Variants in NACAD observed in about 807,000 individuals in gnomAD.
NACAD encodes the protein NAC alpha domain containing, also known as NAC-alpha domain-containing protein 1.
In NACAD, 47 loss-of-function variants were observed where a neutral mutation model predicts 98.9. The observed-to-expected ratio is 0.48, with a 90% CI of 0.38 to 0.61. NACAD has a LOEUF of 0.61. NACAD is among the 20% of genes least tolerant of loss of function. NACAD has a pLI of 0.00. For synonymous variants in NACAD, 696 were observed against 767.2 expected, an observed-to-expected ratio of 0.91 and a Z score of 1.53; for missense variants, 1,412 against 1,748.2, an observed-to-expected ratio of 0.81 and a Z score of 3.43.
rs1056936084 is a variant in NACAD at position 45,088,809 on chromosome 7, A to G, written c.67+19T>C. 162 of 1,480,664 alleles carry G rather than the reference A, an allele frequency of 1.1e-4. 1 individual carries two copies. Among genetic ancestry groups the G allele is most frequent in the Middle Eastern group, 9.4e-4 (4 of 4,242 alleles). The allele number at this position is 1,480,664 out of a possible 1,614,324, so 91.7% of individuals were successfully genotyped here. The stretch of plus-strand genomic sequence containing the variant: ...GAGGGGAGAGGCTGAAGGCAGGGAA[A>G]GAGTGGCCACGGCCTCACCTGTGCG... On this transcript the variant is annotated intron_variant, in intron 1 of 7. Transcript: ENST00000490531. This position sits in a 1 kb window ranked among gnomAD's most constrained non-coding sequence, Gnocchi z 5.7.
At chr7:45,081,298 G>T in intron 4 of NACAD, 35 bp from the exon 5 acceptor site, 1 of 1,548,000 alleles carries the variant, frequency 6.5e-7, no homozygotes, top group East Asian at 2.4e-5. Flanking sequence ...CTCAGACCTG[G>T]TGTTGACCCA....
In NACAD at chr7:45,082,989, G is replaced by A. The variant is rs1457175932; in HGVS notation, c.3191C>T (p.Ala1064Val). The A allele has an allele frequency of 1.2e-5, 19 of 1,550,840 alleles. No individual in the cohort carries two copies. Among genetic ancestry groups the A allele is most frequent in the Admixed American group, 2.0e-5 (1 of 50,982 alleles). Residue 1064 changes from alanine to valine, a missense_variant, in exon 2 of 8, where the codon GCT (alanine) becomes GTT (valine). Ala to Val is a moderately conservative substitution (Grantham distance 64). Around this residue, in one of 5 missense-constraint regions of NACAD, gnomAD observed 572 missense variants for 639.6 expected, o/e 0.89. Coordinates refer to ENST00000490531, the MANE Select transcript of NACAD (RefSeq NM_001146334.2). The surrounding 1 kb of genome is among the most constrained non-coding windows in gnomAD (Gnocchi z 4.5). The stretch of plus-strand genomic sequence containing the variant: ...CTCCTTTTGGGGTGAGTCAGGCTTA[G>A]CCCCATCACCTGTGTGCGCTCGCGC... ...LEARAHTGDG[A>V]KPDSPQKETL... is the part of the protein sequence containing the mutation.
In NACAD at chr7:45,082,823, G is replaced by A. The variant is rs1371903208; in HGVS notation, c.3357C>T (p.Leu1119=). 1 of 1,549,892 alleles carries A rather than the reference G, an allele frequency of 6.5e-7. No individual in the cohort carries two copies. ...AACPEVSQAR[L]LSPAREERGL... Reference sequence around the variant, plus strand: ...CTCTTTCCTCCCTGGCTGGGCTCAGGAGCCGGGCCTGGCTGACCTCAGGGC... The same window carrying A: ...CTCTTTCCTCCCTGGCTGGGCTCAGAAGCCGGGCCTGGCTGACCTCAGGGC... Residue 1119 remains leucine, a synonymous_variant, in exon 2 of 8, where the codon CTC becomes CTT. Coordinates refer to ENST00000490531, the MANE Select transcript of NACAD (RefSeq NM_001146334.2). This position sits in a 1 kb window ranked among gnomAD's most constrained non-coding sequence, Gnocchi z 4.5.
Position 45,088,258 on chromosome 7 carries a change from C to G in NACAD, c.67+570G>C, listed in dbSNP as rs1784551064. Reference sequence around the variant, plus strand: ...ACACCCAGGGCCATTGCTAATCAGGCCACCTCCCCCAAGGCCTTCCACCTT... The same window carrying G: ...ACACCCAGGGCCATTGCTAATCAGGGCACCTCCCCCAAGGCCTTCCACCTT... On this transcript the variant is annotated intron_variant, in intron 1 of 7. Transcript: ENST00000490531. The surrounding 1 kb of genome is among the most constrained non-coding windows in gnomAD (Gnocchi z 5.7). Among the ~76,000 whole-genome samples the G allele has an allele frequency of 6.6e-6, 1 of 152,230 alleles. No individual in the cohort carries two copies. Among genetic ancestry groups the G allele is most frequent in the African/African-American group, 2.4e-5 (1 of 41,460 alleles).
In NACAD at chr7:45,082,121, G is replaced by A. The variant is rs1784440121; in HGVS notation, c.4059C>T (p.Asp1353=). 4 of 1,478,270 alleles carry A rather than the reference G, an allele frequency of 2.7e-6. No individual in the cohort carries two copies. Among genetic ancestry groups the A allele is most frequent in the East Asian group, 2.5e-5 (1 of 40,442 alleles). The allele number at this position is 1,478,270 out of a possible 1,614,324, so 91.6% of individuals were successfully genotyped here. The part of the protein sequence containing the change: ...LSAPEQQEDE[D]SLEEDSPRAL... ...CCTCTGCCTTACCTTCCTCCAGGCT[G>A]TCCTCATCCTCTTGCTGCTCGGGGG... The change falls in exon 2 of 8, where the codon GAC becomes GAT. Residue 1353 remains aspartate (D), a synonymous_variant. Transcript: ENST00000490531. The surrounding 1 kb of genome is among the most constrained non-coding windows in gnomAD (Gnocchi z 4.5).
At position 45,083,204 on chromosome 7, in the gene NACAD, A is replaced by T; in HGVS notation, c.2976T>A (p.Pro992=). 3.2e-6 allele frequency: 5 copies of T among 1,550,894 alleles called. No individual in the cohort carries two copies. The highest frequency in any genetic ancestry group is 4.4e-6 in the Non-Finnish European group (5 of 1,146,970). The change falls in exon 2 of 8, where the codon CCT becomes CCA. Residue 992 remains proline (P), a synonymous_variant. Transcript: ENST00000490531. ...KNAALPTVPE[P]AALDQVQQDD... is the part of the protein sequence containing the mutation. ...CCTGTTGGACCTGGTCCAAGGCTGC[A>T]GGCTCCGGGACTGTAGGGAGGGCTG...
chr7:45,085,567 G>A lies in NACAD; in HGVS notation c.613C>T (p.Arg205Trp), dbSNP rs377672498. ...GGGGGCGAGTCCAGCAGCTCATCCCGCAGCTCAGCCTCTGAGTCCCTGGCG... is the reference window on the plus strand; with the variant it reads ...GGGGGCGAGTCCAGCAGCTCATCCCACAGCTCAGCCTCTGAGTCCCTGGCG... Reference protein sequence around the residue: ...GDARDSEAELRDELLDSPPAS... With the variant: ...GDARDSEAELWDELLDSPPAS... Residue 205 changes from arginine to tryptophan, a missense_variant, in exon 2 of 8, where the codon CGG (arginine) becomes TGG (tryptophan). Arg to Trp is a moderately radical substitution (Grantham distance 101). Transcript: ENST00000490531. The surrounding 1 kb of genome is among the most constrained non-coding windows in gnomAD (Gnocchi z 6.1). The A allele has an allele frequency of 9.2e-5, 142 of 1,550,084 alleles. No homozygotes were observed. The highest frequency in any genetic ancestry group is 1.2e-4 in the Non-Finnish European group (135 of 1,146,828).
rs1041483780 is a variant in NACAD at position 45,088,843 on chromosome 7, G to A, written c.52C>T (p.Pro18Ser). Residue 18 changes from proline (P) to serine (S), a missense_variant, in exon 1 of 8, where the codon CCC (proline) becomes TCC (serine). By Grantham distance (74) the Pro-to-Ser change is moderately conservative. This residue lies in a region of NACAD where 638 missense variants were observed against 722.7 expected (regional missense o/e 0.88). Coordinates refer to ENST00000490531, the MANE Select transcript of NACAD (RefSeq NM_001146334.2). The surrounding 1 kb of genome is among the most constrained non-coding windows in gnomAD (Gnocchi z 5.7). ...ACGGCCTCACCTGTGCGGGGCCCGG[G>A]TCGGTCCGCCTCGGGCAGCAGCAGC... ...AELLLPEADR[P>S]GPRTDLSCDA... 4.2e-5 allele frequency: 63 copies of A among 1,492,918 alleles called. No homozygotes were observed. Among genetic ancestry groups the A allele is most frequent in the Non-Finnish European group, 5.1e-5 (58 of 1,126,652 alleles). The allele number at this position is 1,492,918 out of a possible 1,614,324, so 92.5% of individuals were successfully genotyped here. A position where few individuals can be genotyped will look rare whatever the true frequency, so the allele number is the denominator to read the frequency against.
Position 45,081,790 on chromosome 7 carries a change from TGTCCTGCTC to T in NACAD, c.4141_4149del (p.Glu1381_Asp1383del). ...CACTGCACGGTCTGAGGAGCCAAGA[TGTCCTGCTC>T]GTCCAGCTCGGCTGATGACTCCCCG... On this transcript the variant is annotated inframe_deletion, in exon 3 of 8. Coordinates refer to ENST00000490531, the MANE Select transcript of NACAD (RefSeq NM_001146334.2). The T allele has an allele frequency of 8.4e-6, 13 of 1,550,958 alleles. No individual in the cohort carries two copies. Among genetic ancestry groups the T allele is most frequent in the Non-Finnish European group, 1.1e-5 (13 of 1,146,982 alleles).
In NACAD at chr7:45,085,932, C is replaced by T. The variant is rs1156981562; in HGVS notation, c.248G>A (p.Trp83Ter). 6.5e-7 allele frequency: 1 copy of T among 1,542,674 alleles called. No individual in the cohort carries two copies. Among genetic ancestry groups the T allele is most frequent in the Admixed American group, 2.0e-5 (1 of 50,310 alleles). The change falls in exon 2 of 8, where the codon TGG becomes TAG. Residue 83 changes from tryptophan (W) to a stop codon, truncating the protein, a stop_gained. Transcript: ENST00000490531. LOFTEE classifies it high-confidence loss of function. This position sits in a 1 kb window ranked among gnomAD's most constrained non-coding sequence, Gnocchi z 6.1. ...TGGGCCGCCCTCCCCTGGGTCCGCC[C>T]AGGCCGAGGGTGCCCCACCAGGCCC... Reference protein sequence around the residue: ...DAGPGGAPSAWADPGEGGPSP... With the variant: ...DAGPGGAPSA
In NACAD at chr7:45,084,969, A is replaced by G; in HGVS notation, c.1211T>C (p.Leu404Pro). Residue 404 changes from leucine to proline, a missense_variant, in exon 2 of 8, where the codon CTG (leucine) becomes CCG (proline). Leu to Pro is a moderately conservative substitution (Grantham distance 98). This residue lies in a region of NACAD where 638 missense variants were observed against 722.7 expected (regional missense o/e 0.88). Transcript: ENST00000490531. ...CTGGGCATGGGGCTCCCCGCTGTACAGCCTCTCATCATCTGCCTCTGCGTA... is the reference window on the plus strand; with the variant it reads ...CTGGGCATGGGGCTCCCCGCTGTACGGCCTCTCATCATCTGCCTCTGCGTA... ...ASYAEADDERLYSGEPHAQAT... is the reference protein window; with the variant it reads ...ASYAEADDERPYSGEPHAQAT... 1 of 1,551,142 alleles carries G rather than the reference A, an allele frequency of 6.4e-7. No individual in the cohort carries two copies. The highest frequency in any genetic ancestry group is 8.7e-7 in the Non-Finnish European group (1 of 1,146,976).
rs1169613370 is a variant in NACAD, at chr7:45,083,455, G to C, written c.2725C>G (p.Gln909Glu). ...GGTAAGGTGAGGCCCTCTTCAGCCTGCTGGGACACAGGCGTGGCTGCAGCC... is the reference window on the plus strand; with the variant it reads ...GGTAAGGTGAGGCCCTCTTCAGCCTCCTGGGACACAGGCGTGGCTGCAGCC... ...PVAAATPVSQ[Q>E]AEEGLTLPQD... Residue 909 changes from glutamine (Q) to glutamate (E), a missense_variant, in exon 2 of 8, where the codon CAG (glutamine) becomes GAG (glutamate). Coordinates refer to ENST00000490531, the MANE Select transcript of NACAD (RefSeq NM_001146334.2). 6.5e-7 allele frequency: 1 copy of C among 1,546,076 alleles called. No homozygotes were observed. Among genetic ancestry groups the C allele is most frequent in the East Asian group, 2.4e-5 (1 of 40,834 alleles).
In NACAD at chr7:45,085,606, C is replaced by CA; in HGVS notation, c.573dup (p.Gly192TrpfsTer12). The CA allele has an allele frequency of 6.5e-7, 1 of 1,549,486 alleles. No individual in the cohort carries two copies. The highest frequency in any genetic ancestry group is 8.7e-7 in the Non-Finnish European group (1 of 1,146,514). On this transcript the variant is annotated frameshift_variant, in exon 2 of 8. Transcript: ENST00000490531. LOFTEE classifies it high-confidence loss of function. This position sits in a 1 kb window ranked among gnomAD's most constrained non-coding sequence, Gnocchi z 6.1. ...GAGTCCCTGGCGTCCCCGTGGGGCCCACAGGCAGGAAGCAGGGCATAGGTG... is the reference window on the plus strand; with the variant it reads ...GAGTCCCTGGCGTCCCCGTGGGGCCCAACAGGCAGGAAGCAGGGCATAGGTG...
chr7:45,082,103 C>G lies in NACAD; in HGVS notation c.4072+5G>C. 2 of 1,468,326 alleles carry G rather than the reference C, an allele frequency of 1.4e-6. No homozygotes were observed. The highest frequency in any genetic ancestry group is 2.5e-5 in the East Asian group (1 of 40,302). The allele number at this position is 1,468,326 out of a possible 1,614,324, so 91.0% of individuals were successfully genotyped here. A position where few individuals can be genotyped will look rare whatever the true frequency, so the allele number is the denominator to read the frequency against. On this transcript the variant is annotated splice_donor_5th_base_variant and intron_variant, in intron 2 of 7. Coordinates refer to ENST00000490531, the MANE Select transcript of NACAD (RefSeq NM_001146334.2). This position sits in a 1 kb window ranked among gnomAD's most constrained non-coding sequence, Gnocchi z 4.5. ...AGGGCACTTCACTCCCACCCTCTGC[C>G]TTACCTTCCTCCAGGCTGTCCTCAT...
rs980585747 is a variant in NACAD, at chr7:45,083,102, C to T, written c.3078G>A (p.Glu1026=). The T allele has an allele frequency of 3.9e-6, 6 of 1,550,816 alleles. No individual in the cohort carries two copies. Among genetic ancestry groups the T allele is most frequent in the South Asian group, 1.2e-5 (1 of 84,068 alleles). The stretch of plus-strand genomic sequence containing the variant: ...AGGCCGGCTCAGGGAGACTGAGGGC[C>T]TCCATGCCCAAAGTGGAATCCGCAT... ...QEDADSTLGM[E]ALSLPEPASG... is the part of the protein sequence containing the mutation. The change falls in exon 2 of 8, where the codon GAG becomes GAA. Residue 1026 remains glutamate, a synonymous_variant. Coordinates refer to ENST00000490531, the MANE Select transcript of NACAD (RefSeq NM_001146334.2).
intron 4 of NACAD, 119 bp downstream of exon 4, chr7:45,081,482 A>G: frequency 7.3e-7 from 1 of 1,360,996 alleles, no homozygotes; most frequent in Non-Finnish European, 1.0e-6. Context: ...ACTGGCATGG[A>G]CCCAAAGGTC....
chr7:45,081,928 C>T lies in NACAD; in HGVS notation c.4073-61G>A, dbSNP rs940884232. ...CTTCTAGGTGGCGGGGAAGGGGGTTCAGGACCCTGGCCCTGCTGCCACATC... is the reference window on the plus strand; with the variant it reads ...CTTCTAGGTGGCGGGGAAGGGGGTTTAGGACCCTGGCCCTGCTGCCACATC... On this transcript the variant is annotated intron_variant, in intron 2 of 7. Transcript: ENST00000490531. 14 of 1,498,036 alleles carry T rather than the reference C, an allele frequency of 9.3e-6. No homozygotes were observed. The Admixed American group carries it at 1.6e-4, about 17-fold the overall frequency. The allele number at this position is 1,498,036 out of a possible 1,614,324, so 92.8% of individuals were successfully genotyped here. A position where few individuals can be genotyped will look rare whatever the true frequency, so the allele number is the denominator to read the frequency against.
At position 45,085,237 on chromosome 7, in the gene NACAD, C is replaced by T. The variant is rs552147180; in HGVS notation, c.943G>A (p.Gly315Ser). Residue 315 changes from glycine to serine, a missense_variant, in exon 2 of 8, where the codon GGC becomes AGC. By Grantham distance (56) the Gly-to-Ser change is moderately conservative. Coordinates refer to ENST00000490531, the MANE Select transcript of NACAD (RefSeq NM_001146334.2). The surrounding 1 kb of genome is among the most constrained non-coding windows in gnomAD (Gnocchi z 6.1). ...MIPAALLPFQ[G>S]SLIFQVEAVE... ...GCCTCCACCTGAAAGATGAGGCTGC[C>T]CTGGAAGGGTAGGAGGGCTGCGGGG... The T allele has an allele frequency of 1.9e-6, 3 of 1,551,390 alleles. No homozygotes were observed. The highest frequency in any genetic ancestry group is 2.4e-5 in the East Asian group (1 of 40,922).
Position 45,085,925 on chromosome 7 carries a change from G to T in NACAD, c.255C>A (p.Asp85Glu), listed in dbSNP as rs1422450437. The T allele has an allele frequency of 4.5e-6, 7 of 1,543,820 alleles. No homozygotes were observed. In the South Asian group the frequency reaches 8.4e-5, roughly 19 times the overall value. Residue 85 changes from aspartate (D) to glutamate (E), a missense_variant, in exon 2 of 8, where the codon GAC becomes GAA. Physicochemically the swap from Asp to Glu is conservative, Grantham distance 45. This residue lies in a region of NACAD where 638 missense variants were observed against 722.7 expected (regional missense o/e 0.88). Coordinates refer to ENST00000490531, the MANE Select transcript of NACAD (RefSeq NM_001146334.2). This position sits in a 1 kb window ranked among gnomAD's most constrained non-coding sequence, Gnocchi z 6.1. ...GPGGAPSAWA[D>E]PGEGGPSPML... Reference sequence around the variant, plus strand: ...TGGGGCTTGGGCCGCCCTCCCCTGGGTCCGCCCAGGCCGAGGGTGCCCCAC... The same window carrying T: ...TGGGGCTTGGGCCGCCCTCCCCTGGTTCCGCCCAGGCCGAGGGTGCCCCAC...
Sources: allele counts gnomAD v4.1 joint callset (sites outside exome capture counted in the v4.1 genomes callset), GRCh38; gene constraint gnomAD v4.1.1; regional missense constraint gnomAD v4.1.1; non-coding constraint Gnocchi (gnomAD v3.1); transcripts MANE v1.5; gene names NCBI Gene and HGNC (gene_info 2026-07-23, HGNC 2026-07-21).